Variants in CHD9 observed in about 807,000 individuals in gnomAD.
CHD9 encodes ATP-dependent chromatin remodeler CHD9.
A neutral mutation model predicts 316.1 loss-of-function variants in CHD9; 77 were observed. The observed-to-expected ratio is 0.24, with a 90% confidence interval of 0.20 to 0.29. The LOEUF is 0.29. Among genes scored for constraint, CHD9 ranks in the 10% least tolerant of loss-of-function variants. The pLI is 1.00. For synonymous variants in CHD9, 1,129 were observed against 1,158.3 expected (o/e 0.97, Z 0.51); for missense variants, 2,763 against 3,438.1 (o/e 0.80, Z 4.91).
At position 53,292,970 on chromosome 16, in the gene CHD9, G is replaced by A; in HGVS notation, c.5428G>A (p.Val1810Met). The change falls in exon 29 of 39, where the codon GTG (valine) becomes ATG (methionine). Residue 1810 changes from valine (V) to methionine (M), a missense_variant. By Grantham distance (21) the Val-to-Met change is conservative (BLOSUM62 1). Transcript: ENST00000447540. ...TCAGCAGATACAACCGACTTTCTCG[G>A]TGCCTACCAGTGTAATGCAGCCTAT... ...QIQQIQPTFS[V>M]PTSVMQPIYE... 1.2e-6 allele frequency: 2 copies of A among 1,613,826 alleles called. No individual in the cohort carries two copies. The highest frequency in any genetic ancestry group is 8.5e-7 in the Non-Finnish European group (1 of 1,179,840).
chr16:53,308,923 A>T (rs2056226984), intron 34 of CHD9, 69 bp downstream of exon 34: 1 of 1,218,932 alleles, frequency 8.2e-7, no homozygotes, highest in South Asian at 1.5e-5. Flanking sequence ...TCTTTTATAG[A>T]TGCTTGTAAT....
chr16:53,131,211 C>G (rs1265251171), intron 1 of CHD9: 1 of 150,822 alleles, frequency 6.6e-6, no homozygotes, highest in East Asian at 2.0e-4. Context: ...CGCCCCCGCC[C>G]GGCCAGCCGC....
chr16:53,163,471 A>T (rs998197317), intron 2 of CHD9, among the ~76,000 whole-genome samples: 1 of 152,144 alleles, frequency 6.6e-6, no homozygotes, highest in Non-Finnish European at 1.5e-5. Context: ...CGGCCTCCCA[A>T]AGTGCTGGGA....
In CHD9 at chr16:53,222,627, T is replaced by A. The variant is rs755726340; in HGVS notation, c.1785-17T>A. On this transcript the variant is annotated splice_polypyrimidine_tract_variant and intron_variant, in intron 3 of 38. Coordinates refer to ENST00000447540, the MANE Select transcript of CHD9 (RefSeq NM_001308319.2). ...TTCAAAGAATTCATACTTTTTATTC[T>A]TTTCCTCTTGAAACAGCAAACTCAT... is the stretch of plus-strand genomic sequence containing the variant. 9.6e-6 allele frequency: 11 copies of A among 1,144,360 alleles called. No homozygotes were observed. The South Asian group carries it at 1.5e-4, about 16-fold the overall frequency. The allele number at this position is 1,144,360 out of a possible 1,614,324, so 70.9% of individuals were successfully genotyped here.
At chr16:53,263,485 G>A (rs1260525801) in intron 20 of CHD9, among the ~76,000 whole-genome samples, 2 of 152,008 alleles carry the variant, frequency 1.3e-5, no homozygotes, top group Non-Finnish European at 2.9e-5. Flanking sequence ...CAAGAAAGTG[G>A]CATTTTTTAA....
intron 2 of CHD9, among the ~76,000 whole-genome samples, chr16:53,207,413 A>G (rs2152864772): frequency 6.6e-6 from 1 of 152,344 alleles, no homozygotes; most frequent in Middle Eastern, 3.4e-3. Context: ...GTATTCATCC[A>G]TGTTAAGACG....
chr16:53,272,102 T>C (rs2052328559), intron 22 of CHD9, among the ~76,000 whole-genome samples: 1 of 152,202 alleles, frequency 6.6e-6, no homozygotes, highest in South Asian at 2.1e-4. Context: ...TTTTATACTT[T>C]AAAGAGATAT....
intron 2 of CHD9, among the ~76,000 whole-genome samples, chr16:53,167,097 A>G (rs1312823904): frequency 6.6e-6 from 1 of 152,188 alleles, no homozygotes; most frequent in African/African-American, 2.4e-5. Flanking sequence ...CACTATGGAC[A>G]GATACATATT....
At chr16:53,134,064 A>G (rs2039536174) in intron 1 of CHD9, among the ~76,000 whole-genome samples, 1 of 152,220 alleles carries the variant, frequency 6.6e-6, no homozygotes, top group Admixed American at 6.5e-5. Flanking sequence ...TCCGTAAATA[A>G]CAGAGAAGAA....
intron 1 of CHD9, among the ~76,000 whole-genome samples, chr16:53,128,444 A>G (rs534761209): frequency 1.8e-4 from 28 of 151,994 alleles, no homozygotes; most frequent in Non-Finnish European, 3.5e-4. Context: ...AGCCTCCCAA[A>G]GTGCTGGGAT....
At chr16:53,107,470 A>G (rs528037332) in intron 1 of CHD9, among the ~76,000 whole-genome samples, 80 of 144,474 alleles carry the variant, frequency 5.5e-4, no homozygotes, top group African/African-American at 1.9e-3. Context: ...AAAATAAAAT[A>G]AAATAAAATA....
chr16:53,105,822 C>CTTT (rs200467105), intron 1 of CHD9, among the ~76,000 whole-genome samples: 1 of 136,852 alleles, frequency 7.3e-6, no homozygotes, highest in African/African-American at 2.7e-5. Context: ...ATGATAAGAA[C>CTTT]TTTTTTTTTT....
chr16:53,153,545 T>C (rs903461989), intron 1 of CHD9, among the ~76,000 whole-genome samples: 1 of 152,170 alleles, frequency 6.6e-6, no homozygotes, highest in Non-Finnish European at 1.5e-5. Context: ...TCGTTTGTTT[T>C]GGAGACAGGG....
intron 34 of CHD9, chr16:53,310,754 G>A (rs1335049498): frequency 6.6e-6 from 1 of 151,544 alleles, no homozygotes; most frequent in Non-Finnish European, 1.5e-5. Context: ...AGGAGGCTAA[G>A]GCAGGAGAAT....
At chr16:53,095,002 C>A (rs1217382171) in intron 1 of CHD9, among the ~76,000 whole-genome samples, 2 of 152,146 alleles carry the variant, frequency 1.3e-5, no homozygotes, top group African/African-American at 2.4e-5. Context: ...TCATGACATT[C>A]TTTCATCTTC....
Position 53,324,739 on chromosome 16 carries a change from T to A in CHD9, c.8538T>A (p.Asp2846Glu). 1 of 1,613,426 alleles carries A rather than the reference T, an allele frequency of 6.2e-7. No homozygotes were observed. Among genetic ancestry groups the A allele is most frequent in the Non-Finnish European group, 8.5e-7 (1 of 1,179,668 alleles). The change falls in exon 39 of 39, where the codon GAT becomes GAA. Residue 2846 changes from aspartate (D) to glutamate (E), a missense_variant. Asp to Glu is a conservative substitution (Grantham distance 45, BLOSUM62 2). Coordinates refer to ENST00000447540, the MANE Select transcript of CHD9 (RefSeq NM_001308319.2). Reference protein sequence around the residue: ...SSKSVEVKEEDSRIKDQEDKG... With the variant: ...SSKSVEVKEEESRIKDQEDKG... ...AGTCTGTAGAAGTAAAAGAAGAAGA[T>A]TCCAGAATTAAAGATCAGGAAGACA...
chr16:53,185,310 A>C (rs977503208), intron 2 of CHD9, among the ~76,000 whole-genome samples: 8 of 152,204 alleles, frequency 5.3e-5, no homozygotes, highest in Non-Finnish European at 8.8e-5. Flanking sequence ...GGAGATGGGC[A>C]GATTGTTGGG....
At chr16:53,065,342 A>G (rs1468957884) in intron 1 of CHD9, among the ~76,000 whole-genome samples, 2 of 151,806 alleles carry the variant, frequency 1.3e-5, no homozygotes, top group Non-Finnish European at 2.9e-5. Flanking sequence ...TCTTAGCAAG[A>G]GAGTATTCTG....
At chr16:53,164,633 T>G (rs1015139801) in intron 2 of CHD9, among the ~76,000 whole-genome samples, 5 of 77,810 alleles carry the variant, frequency 6.4e-5, no homozygotes, top group South Asian at 4.8e-4. Context: ...CTGTTTTTTG[T>G]TTTTTTTTTG....
Sources: allele counts gnomAD v4.1 joint callset (sites outside exome capture counted in the v4.1 genomes callset), GRCh38; gene constraint gnomAD v4.1.1; transcripts MANE v1.5; gene names NCBI Gene and HGNC (gene_info 2026-07-23, HGNC 2026-07-21).